CACNA1G: variants seen among roughly 807,000 people sequenced by gnomAD.
The protein encoded by CACNA1G is voltage-dependent T-type calcium channel subunit alpha-1G.
CACNA1G carries 67 observed loss-of-function variants against 219.4 expected under a neutral mutation model. That is an observed-to-expected ratio of 0.31 (90% CI 0.25 to 0.37). The LOEUF (loss-of-function observed/expected upper bound fraction) is 0.37. Among genes scored for constraint, CACNA1G ranks in the 10% least tolerant of loss-of-function variants. The probability of loss-of-function intolerance (pLI) is 1.00; values close to 1 mark genes in which losing one functional copy is unlikely to be tolerated. For synonymous variants in CACNA1G, 1,296 were observed against 1,345.3 expected (o/e 0.96, Z 0.80); for missense variants, 2,380 against 3,231.4 (o/e 0.74, Z 6.39).
In CACNA1G at chr17:50,617,934, C is replaced by A. The variant is rs375878431; in HGVS notation, c.5226+5C>A. The A allele has an allele frequency of 3.8e-5, 62 of 1,613,594 alleles. No individual in the cohort carries two copies. The Middle Eastern group carries it at 1.3e-3, about 35-fold the overall frequency. On this transcript the variant is annotated splice_donor_5th_base_variant and intron_variant, in intron 30 of 37. Transcript: ENST00000359106. This position sits in a 1 kb window ranked among gnomAD's most constrained non-coding sequence, Gnocchi z 5.8. Reference sequence around the variant, plus strand: ...GTGATGCAGGCCCTGCCCCAGGTAGCCGGGAGGTGGGGGGCCTCTGGGGAG... The same window carrying A: ...GTGATGCAGGCCCTGCCCCAGGTAGACGGGAGGTGGGGGGCCTCTGGGGAG...
chr17:50,580,699 A>T (rs1047550463), intron 9 of CACNA1G, among the ~76,000 whole-genome samples: 8 of 152,108 alleles, frequency 5.3e-5, no homozygotes, highest in Non-Finnish European at 1.2e-4. Flanking sequence ...GGGAGGCCTC[A>T]CTCAGTGACA....
At position 50,603,794 on chromosome 17, in the gene CACNA1G, C is replaced by T. The variant is rs917516241; in HGVS notation, c.4170-361C>T. Among the ~76,000 whole-genome samples, 4 of 152,066 alleles carry T rather than the reference C, an allele frequency of 2.6e-5. No homozygotes were observed. Among genetic ancestry groups the T allele is most frequent in the Non-Finnish European group, 5.9e-5 (4 of 68,014 alleles). On this transcript the variant is annotated intron_variant, in intron 21 of 37. Transcript: ENST00000359106. The surrounding 1 kb of genome is among the most constrained non-coding windows in gnomAD (Gnocchi z 6.4). ...GATAGTCCATCTCCCTCTGCCCCTT[C>T]CCCTCTCTGCCTGCTCCCCTACAAG...
Position 50,561,299 on chromosome 17 carries a change from A to T in CACNA1G, c.-161A>T, listed in dbSNP as rs1294887239. 1.3e-6 allele frequency: 1 copy of T among 765,928 alleles called. No homozygotes were observed. Among genetic ancestry groups the T allele is most frequent in the Non-Finnish European group, 2.0e-6 (1 of 499,402 alleles). 47.4% of individuals were successfully genotyped at this position (765,928 alleles called of 1,614,324 possible). A position where few individuals can be genotyped will look rare whatever the true frequency, so the allele number is the denominator to read the frequency against. ...CCGCGGGCAGCATGCCCCTGCGGGC[A>T]GGGGGAGCTGGGCTGAACTGGCCCT... On this transcript the variant is annotated 5_prime_UTR_variant, in exon 1 of 38. Coordinates refer to ENST00000359106, the MANE Select transcript of CACNA1G (RefSeq NM_018896.5).
chr17:50,618,908 G>A lies in CACNA1G; in HGVS notation c.5681G>A (p.Gly1894Glu), dbSNP rs759363715. ...CTGGGCAGCCCCTTCCTCTGGCCTGGGGTCGAGGGCCCCGACAGCCCCGAC... is the reference window on the plus strand; with the variant it reads ...CTGGGCAGCCCCTTCCTCTGGCCTGAGGTCGAGGGCCCCGACAGCCCCGAC... The part of the protein sequence containing the change: ...SPLGSPFLWP[G>E]VEGPDSPDSP... The change falls in exon 33 of 38, where the codon GGG (glycine) becomes GAG (glutamate). Residue 1894 changes from glycine (G) to glutamate (E), a missense_variant. Gly to Glu is a moderately conservative substitution (Grantham distance 98). Coordinates refer to ENST00000359106, the MANE Select transcript of CACNA1G (RefSeq NM_018896.5). This position sits in a 1 kb window ranked among gnomAD's most constrained non-coding sequence, Gnocchi z 5.3. 1 of 1,608,720 alleles carries A rather than the reference G, an allele frequency of 6.2e-7. No homozygotes were observed. The highest frequency in any genetic ancestry group is 2.2e-5 in the East Asian group (1 of 44,768).
At chr17:50,611,864 T>C (rs933228994) in intron 26 of CACNA1G, among the ~76,000 whole-genome samples, 3 of 152,202 alleles carry the variant, frequency 2.0e-5, no homozygotes, top group African/African-American at 7.2e-5. Flanking sequence ...AACACTCTCG[T>C]GACCCTTGCA....
intron 1 of CACNA1G, among the ~76,000 whole-genome samples, chr17:50,567,927 G>A (rs1035140449): frequency 6.6e-6 from 1 of 152,166 alleles, no homozygotes; most frequent in African/African-American, 2.4e-5. Flanking sequence ...TGGGCTGGAA[G>A]CCACAAGCAG....
At chr17:50,569,533 C>T (rs914013971) in intron 3 of CACNA1G, among the ~76,000 whole-genome samples, 173 bp from the exon 4 acceptor site, 5 of 152,102 alleles carry the variant, frequency 3.3e-5, no homozygotes, top group Non-Finnish European at 5.9e-5. Context: ...GTCCTTGTCT[C>T]GGGGTAGCCT....
chr17:50,599,603 G>C lies in CACNA1G; in HGVS notation c.3434G>C (p.Ser1145Thr), dbSNP rs1220905944. The change falls in exon 17 of 38, where the codon AGC becomes ACC. Residue 1145 changes from serine (S) to threonine (T), a missense_variant. Ser to Thr is a moderately conservative substitution (Grantham distance 58). Coordinates refer to ENST00000359106, the MANE Select transcript of CACNA1G (RefSeq NM_018896.5). Reference protein sequence around the residue: ...EGQESQDEEESSEEERASPAG... With the variant: ...EGQESQDEEETSEEERASPAG... ...CAGGAGAGCCAGGATGAAGAGGAGA[G>C]CTCAGAAGAGGAGCGGGCCAGCCCT... The C allele has an allele frequency of 1.2e-6, 2 of 1,613,254 alleles. No homozygotes were observed. The highest frequency in any genetic ancestry group is 3.3e-5 in the Admixed American group (2 of 59,926).
intron 12 of CACNA1G, 37 bp from the exon 13 acceptor site, chr17:50,591,900 C>T (rs201145850): frequency 6.2e-7 from 1 of 1,613,800 alleles, no homozygotes; most frequent in Non-Finnish European, 8.5e-7. Context: ...GTCAGGTGCC[C>T]CTAGTATAGG....
chr17:50,626,761 C>T lies in CACNA1G; in HGVS notation c.*10C>T, dbSNP rs1201301230. 1 of 1,613,072 alleles carries T rather than the reference C, an allele frequency of 6.2e-7. No homozygotes were observed. Among genetic ancestry groups the T allele is most frequent in the Non-Finnish European group, 8.5e-7 (1 of 1,179,894 alleles). ...AGACCTGGACCCCTGAGTCCTGCCC[C>T]ACTTTCCCACTCACCTTTCTCCACT... On this transcript the variant is annotated 3_prime_UTR_variant, in exon 38 of 38. Transcript: ENST00000359106. This position sits in a 1 kb window ranked among gnomAD's most constrained non-coding sequence, Gnocchi z 4.3.
At chr17:50,586,822 G>A (rs2043082692) in intron 9 of CACNA1G, among the ~76,000 whole-genome samples, 1 of 152,248 alleles carries the variant, frequency 6.6e-6, no homozygotes, top group South Asian at 2.1e-4. Flanking sequence ...TGAGGCTTGG[G>A]GAGCCCCGGT....
At chr17:50,605,661 C>G (rs1023644805) in intron 22 of CACNA1G, among the ~76,000 whole-genome samples, 2 of 152,194 alleles carry the variant, frequency 1.3e-5, no homozygotes, top group Non-Finnish European at 2.9e-5. Context: ...GACTGTTACC[C>G]GCCTCCACCC....
intron 1 of CACNA1G, 50 bp downstream of exon 1, chr17:50,561,751 C>A (rs1467232132): frequency 2.7e-6 from 4 of 1,475,504 alleles, no homozygotes; most frequent in Non-Finnish European, 3.6e-6. Flanking sequence ...GGGGGACGGG[C>A]CGCACCGCCG....
rs1568058446 is a variant in CACNA1G, at chr17:50,590,458, C to T, written c.2302-13C>T. On this transcript the variant is annotated splice_polypyrimidine_tract_variant and intron_variant, in intron 9 of 37. Coordinates refer to ENST00000359106, the MANE Select transcript of CACNA1G (RefSeq NM_018896.5). ...GATAAGCCAGCTGCCTCACATCCCA[C>T]CCTGCCCTGCAGCCCGAGGAGCTTA... is the stretch of plus-strand genomic sequence containing the variant. The T allele has an allele frequency of 6.2e-7, 1 of 1,613,454 alleles. No homozygotes were observed. Among genetic ancestry groups the T allele is most frequent in the Non-Finnish European group, 8.5e-7 (1 of 1,179,792 alleles).
At chr17:50,601,220 C>T (rs780241116) in intron 19 of CACNA1G, 46 bp downstream of exon 19, 6 of 1,601,884 alleles carry the variant, frequency 3.7e-6, no homozygotes, top group Admixed American at 1.7e-5. Context: ...CTGGGGTTTG[C>T]ACTCAGGACC....
rs1200585489 is a variant in CACNA1G at position 50,617,853 on chromosome 17, C to T, written c.5156-6C>T. ...GGCCAGCTCATGACGTTGTCCTGTT[C>T]TGCAGTGCTGAAGCTGCTGAAGATG... On this transcript the variant is annotated splice_region_variant and splice_polypyrimidine_tract_variant and intron_variant, in intron 29 of 37. Transcript: ENST00000359106. This position sits in a 1 kb window ranked among gnomAD's most constrained non-coding sequence, Gnocchi z 5.8. 6.2e-7 allele frequency: 1 copy of T among 1,613,162 alleles called. No homozygotes were observed. The highest frequency in any genetic ancestry group is 1.3e-5 in the African/African-American group (1 of 74,922).
chr17:50,586,870 T>C (rs2043095470), intron 9 of CACNA1G, among the ~76,000 whole-genome samples: 1 of 152,032 alleles, frequency 6.6e-6, no homozygotes, highest in South Asian at 2.1e-4. Flanking sequence ...TGCTGCAAGG[T>C]GACAGCCGGA....
At chr17:50,604,666 G>A (rs186050606) in intron 22 of CACNA1G, among the ~76,000 whole-genome samples, 101 of 152,352 alleles carry the variant, frequency 6.6e-4, no homozygotes, top group African/African-American at 2.3e-3. Flanking sequence ...CCAGACAGCT[G>A]GGCCAGGTTA....
chr17:50,584,737 A>T (rs1203768773), intron 9 of CACNA1G, among the ~76,000 whole-genome samples: 2 of 143,212 alleles, frequency 1.4e-5, no homozygotes, highest in Non-Finnish European at 2.9e-5. Flanking sequence ...TGGAGGAGGG[A>T]CGTGGAGCCC....
Sources: gnomAD v4.1 joint callset for allele counts (sites outside exome capture counted in the v4.1 genomes callset) on GRCh38, gnomAD v4.1.1 for gene constraint, Gnocchi (gnomAD v3.1) non-coding constraint, MANE v1.5 for transcripts, NCBI Gene and HGNC (gene_info 2026-07-23, HGNC 2026-07-21) for gene names.